FUBP3: variants seen among roughly 807,000 people sequenced by gnomAD.
FUBP3 encodes far upstream element-binding protein 3.
A neutral mutation model predicts 85.6 loss-of-function variants in FUBP3; 28 were observed. The observed-to-expected ratio is 0.33, with a 90% CI of 0.24 to 0.45. The LOEUF (loss-of-function observed/expected upper bound fraction) is 0.45. Among genes scored for constraint, FUBP3 ranks in the 20% least tolerant of loss-of-function variants. The pLI is 1.00. For missense variants in FUBP3, 583 were observed against 755.1 expected (o/e 0.77, Z 2.67); for synonymous variants, 271 against 271.4 (o/e 1.00, Z 0.01).
At chr9:130,603,361 A>AC (rs1373042402) in intron 2 of FUBP3, among the ~76,000 whole-genome samples, 40 of 135,194 alleles carry the variant, frequency 3.0e-4, no homozygotes, top group Non-Finnish European at 5.2e-4. Flanking sequence ...AAAAAAAAAA[A>AC]AAAAAAACAA....
intron 2 of FUBP3, among the ~76,000 whole-genome samples, chr9:130,608,438 C>T (rs1831573787): frequency 6.6e-6 from 1 of 152,146 alleles, no homozygotes; most frequent in Non-Finnish European, 1.5e-5. Flanking sequence ...TCTTTTCCTC[C>T]CCACTGCCCT....
At position 130,609,950 on chromosome 9, in the gene FUBP3, A is replaced by G. The variant is rs975242418; in HGVS notation, c.191-4A>G. On this transcript the variant is annotated splice_region_variant and splice_polypyrimidine_tract_variant and intron_variant, in intron 2 of 18. Coordinates refer to ENST00000319725, the MANE Select transcript of FUBP3 (RefSeq NM_003934.2). ...TTTTTTTTTTCTCTTTCTCTTTGCC[A>G]CAGTAGGTAACCAGTTAGGGGCCTT... 1 of 1,606,302 alleles carries G rather than the reference A, an allele frequency of 6.2e-7. No homozygotes were observed. Among genetic ancestry groups the G allele is most frequent in the Non-Finnish European group, 8.5e-7 (1 of 1,173,936 alleles).
intron 8 of FUBP3, 21 bp from the exon 9 acceptor site, chr9:130,620,333 T>C (rs1829695821): frequency 1.4e-6 from 2 of 1,406,280 alleles, no homozygotes; most frequent in South Asian, 2.5e-5. Context: ...CTCATAATGC[T>C]TTTTGTTTGT....
chr9:130,580,128 A>G (rs1460395295), intron 1 of FUBP3, among the ~76,000 whole-genome samples: 1 of 152,184 alleles, frequency 6.6e-6, no homozygotes, highest in Admixed American at 6.5e-5. Flanking sequence ...CTGGGTGTAG[A>G]CATAAAGCAG....
chr9:130,581,238 A>G (rs1830120096), intron 1 of FUBP3: 1 of 152,212 alleles, frequency 6.6e-6, no homozygotes, highest in Non-Finnish European at 1.5e-5. Flanking sequence ...GCTTCTCTTG[A>G]GCCAGTGGTT....
intron 13 of FUBP3, chr9:130,631,228 T>TTAAAAAA: frequency 7.9e-7 from 1 of 1,269,436 alleles, no homozygotes; most frequent in Non-Finnish European, 9.9e-7. Context: ...ACTGCTCACC[T>TTAAAAAA]CAATGGGGAC....
chr9:130,585,260 G>A (rs1318812107), intron 1 of FUBP3, among the ~76,000 whole-genome samples: 1 of 152,196 alleles, frequency 6.6e-6, no homozygotes, highest in African/African-American at 2.4e-5. Flanking sequence ...TAGCTGCTGC[G>A]TTTTTGACAT....
At position 130,579,816 on chromosome 9, in the gene FUBP3, C is replaced by T. The variant is rs1830053201; in HGVS notation, c.84+52C>T. On this transcript the variant is annotated intron_variant, in intron 1 of 18. Transcript: ENST00000319725. The stretch of plus-strand genomic sequence containing the variant: ...CACGAGATCCCGAGGCGGGGCCTGG[C>T]GGGCGGGGAAGAGGGGTTCGGGCCT... 2.9e-6 allele frequency: 3 copies of T among 1,021,994 alleles called. 1 individual carries two copies. The highest frequency in any genetic ancestry group is 3.3e-5 in the African/African-American group (2 of 60,220). The allele number at this position is 1,021,994 out of a possible 1,614,324, so 63.3% of individuals were successfully genotyped here. A position where few individuals can be genotyped will look rare whatever the true frequency, so the allele number is the denominator to read the frequency against.
At chr9:130,589,697 ATATATATATTTTTTT>A (rs1359393524) in intron 1 of FUBP3, among the ~76,000 whole-genome samples, 4 of 29,964 alleles carry the variant, frequency 1.3e-4, no homozygotes, top group African/African-American at 4.8e-4. Context: ...ATATATATAT[ATATATATATTTTTTT>A]TTTTTTTTTT....
chr9:130,594,685 G>T (rs952588191), intron 1 of FUBP3, among the ~76,000 whole-genome samples: 4 of 152,172 alleles, frequency 2.6e-5, no homozygotes, highest in Non-Finnish European at 5.9e-5. Flanking sequence ...CTTGAGCTTG[G>T]AAAATTGAGG....
In FUBP3 at chr9:130,617,796, G is replaced by A. The variant is rs1385727467; in HGVS notation, c.568-1G>A. On this transcript the variant is annotated splice_acceptor_variant, in intron 7 of 18. Coordinates refer to ENST00000319725, the MANE Select transcript of FUBP3 (RefSeq NM_003934.2). LOFTEE classifies it high-confidence loss of function. Reference sequence around the variant, plus strand: ...GCTGTGCTGGTGTGTGTTCCCCACAGGAGCGGACAGGGGTGAAGATGGTCA... The same window carrying A: ...GCTGTGCTGGTGTGTGTTCCCCACAAGAGCGGACAGGGGTGAAGATGGTCA... 6.4e-7 allele frequency: 1 copy of A among 1,574,434 alleles called. No homozygotes were observed. The highest frequency in any genetic ancestry group is 1.7e-5 in the Admixed American group (1 of 59,992).
intron 12 of FUBP3, among the ~76,000 whole-genome samples, chr9:130,630,050 G>C (rs1391294534): frequency 6.6e-6 from 1 of 152,232 alleles, no homozygotes; most frequent in Non-Finnish European, 1.5e-5. Context: ...TGCACTGCCT[G>C]TGTAGACCGT....
chr9:130,625,458 A>G (rs1318065565), intron 11 of FUBP3, among the ~76,000 whole-genome samples: 1 of 152,252 alleles, frequency 6.6e-6, no homozygotes, highest in East Asian at 1.9e-4. Context: ...ACTCTTAATC[A>G]ACATGAGCAG....
rs866937035 is a variant in FUBP3 at position 130,635,898 on chromosome 9, C to T, written c.1583-101C>T. 1.7e-5 allele frequency: 22 copies of T among 1,260,220 alleles called. 1 individual carries two copies. The Middle Eastern group carries it at 1.2e-3, about 69-fold the overall frequency. 78.1% of individuals were successfully genotyped at this position (1,260,220 alleles called of 1,614,324 possible). A position where few individuals can be genotyped will look rare whatever the true frequency, so the allele number is the denominator to read the frequency against. On this transcript the variant is annotated intron_variant, in intron 17 of 18. Transcript: ENST00000319725. This position sits in a 1 kb window ranked among gnomAD's most constrained non-coding sequence, Gnocchi z 4.3. ...CTGCCTCCCAGACCTCCCTGCCTTCCAGCCGTCCGGAGGGAGAGCAGATGC... is the reference window on the plus strand; with the variant it reads ...CTGCCTCCCAGACCTCCCTGCCTTCTAGCCGTCCGGAGGGAGAGCAGATGC...
intron 1 of FUBP3, among the ~76,000 whole-genome samples, chr9:130,593,350 C>A (rs1456204707): frequency 6.6e-6 from 1 of 152,240 alleles, no homozygotes; most frequent in South Asian, 2.1e-4. Context: ...ACAAAAGCTC[C>A]AGTGCCTCAA....
intron 2 of FUBP3, among the ~76,000 whole-genome samples, chr9:130,606,239 G>A (rs1177603157): frequency 2.6e-5 from 4 of 152,138 alleles, no homozygotes; most frequent in African/African-American, 9.7e-5. Flanking sequence ...TTACTGACCT[G>A]AGCTGGGGTG....
chr9:130,604,255 G>A (rs1831309302), intron 2 of FUBP3, among the ~76,000 whole-genome samples: 1 of 152,180 alleles, frequency 6.6e-6, no homozygotes, highest in African/African-American at 2.4e-5. Flanking sequence ...ATCACAGCTA[G>A]AAGGGAACCT....
intron 7 of FUBP3, 38 bp from the exon 8 acceptor site, chr9:130,617,759 A>G (rs1272273091): frequency 1.6e-6 from 2 of 1,222,624 alleles, no homozygotes; most frequent in Middle Eastern, 1.9e-4. Context: ...CATGCCCTGC[A>G]TTATTCATGA....
chr9:130,634,595 T>C (rs1830345224), intron 16 of FUBP3, 72 bp from the exon 17 acceptor site: 7 of 1,254,184 alleles, frequency 5.6e-6, no homozygotes, highest in Admixed American at 3.7e-5. Context: ...GGGCAGGGCC[T>C]GCAGCTGGCG....
Sources: allele counts gnomAD v4.1 joint callset (sites outside exome capture counted in the v4.1 genomes callset), GRCh38; gene constraint gnomAD v4.1.1; non-coding constraint Gnocchi (gnomAD v3.1); transcripts MANE v1.5; gene names NCBI Gene and HGNC (gene_info 2026-07-23, HGNC 2026-07-21).